Variants in ERC2 observed in about 807,000 individuals in gnomAD.
ERC2 encodes ELKS/RAB6-interacting/CAST family member 2, also known as ERC protein 2.
Under a neutral mutation model 114.8 loss-of-function variants are expected in ERC2, and 42 were observed. That is an observed-to-expected ratio of 0.37 (90% confidence interval 0.29 to 0.47). The LOEUF (loss-of-function observed/expected upper bound fraction) is 0.47, where lower values mean the gene tolerates loss of function less well. Among genes scored for constraint, ERC2 ranks in the 20% least tolerant of loss-of-function variants. The probability of loss-of-function intolerance (pLI) is 0.99; values close to 1 mark genes in which losing one functional copy is unlikely to be tolerated. For missense variants in ERC2, 939 were observed against 1,150.7 expected (o/e 0.82, Z 2.66); for synonymous variants, 454 against 425.5 (o/e 1.07, Z -0.82).
Position 55,532,919 on chromosome 3 carries a change from A to G in ERC2, c.*40-21643T>C, listed in dbSNP as rs558051012. Among the ~76,000 whole-genome samples, 38 of 152,356 alleles carry G rather than the reference A, an allele frequency of 2.5e-4. No individual in the cohort carries two copies. The South Asian group carries it at 7.5e-3, about 30-fold the overall frequency. Reference sequence around the variant, plus strand: ...GAGAAAGACAAGGTCCCTGGCTCTCACAGGGCTTTCAACGGAACAGGAAAA... The same window carrying G: ...GAGAAAGACAAGGTCCCTGGCTCTCGCAGGGCTTTCAACGGAACAGGAAAA... On this transcript the variant is annotated intron_variant, in intron 17 of 17. Transcript: ENST00000288221.
intron 13 of ERC2, among the ~76,000 whole-genome samples, chr3:55,907,592 G>A (rs2064535528): frequency 6.6e-6 from 1 of 152,156 alleles, no homozygotes; most frequent in Admixed American, 6.5e-5. Context: ...GGGCATTCCT[G>A]CCCACCCCAT....
At chr3:55,713,404 G>C (rs1489152488) in intron 15 of ERC2, among the ~76,000 whole-genome samples, 8 of 151,764 alleles carry the variant, frequency 5.3e-5, no homozygotes, top group Non-Finnish European at 1.2e-4. Context: ...AGAGATGGTG[G>C]GGGAGTTTCA....
At chr3:55,686,193 T>C (rs1279818869) in intron 16 of ERC2, among the ~76,000 whole-genome samples, 1 of 152,196 alleles carries the variant, frequency 6.6e-6, no homozygotes, top group East Asian at 1.9e-4. Context: ...AAAAACCAGA[T>C]GTTCAGATCG....
intron 13 of ERC2, among the ~76,000 whole-genome samples, chr3:55,924,151 G>C (rs1284819602): frequency 1.3e-5 from 2 of 152,090 alleles, no homozygotes; most frequent in African/African-American, 4.8e-5. Flanking sequence ...AAATCAGAGA[G>C]GTAGAGATTC....
chr3:56,386,928 G>A (rs1411625135), intron 2 of ERC2, among the ~76,000 whole-genome samples: 5 of 152,194 alleles, frequency 3.3e-5, no homozygotes, highest in African/African-American at 1.2e-4. Flanking sequence ...GGTTGCAACA[G>A]GGCCTGAAGC....
chr3:56,272,181 T>C (rs190526654), intron 3 of ERC2, among the ~76,000 whole-genome samples: 19 of 152,296 alleles, frequency 1.2e-4, no homozygotes, highest in African/African-American at 4.6e-4. Context: ...TAAAAATCCA[T>C]GTGAGACCCT....
intron 14 of ERC2, among the ~76,000 whole-genome samples, chr3:55,847,028 T>C (rs1030621038): frequency 7.2e-5 from 11 of 152,104 alleles, no homozygotes; most frequent in African/African-American, 2.7e-4. Context: ...TGGGAAAACA[T>C]AAATGTCAAA....
At chr3:55,822,421 T>G (rs934485613) in intron 14 of ERC2, among the ~76,000 whole-genome samples, 21 of 152,176 alleles carry the variant, frequency 1.4e-4, no homozygotes, top group Admixed American at 4.6e-4. Flanking sequence ...CTTAATTAAA[T>G]TATCTTGTTT....
At chr3:56,264,270 A>G (rs1485408904) in intron 3 of ERC2, among the ~76,000 whole-genome samples, 1 of 152,184 alleles carries the variant, frequency 6.6e-6, no homozygotes, top group African/African-American at 2.4e-5. Flanking sequence ...CTCTTGCCAC[A>G]TCTATCAACG....
At chr3:56,052,392 T>C (rs1361566928) in intron 7 of ERC2, among the ~76,000 whole-genome samples, 1 of 152,196 alleles carries the variant, frequency 6.6e-6, no homozygotes, top group African/African-American at 2.4e-5. Context: ...GTCAGCAAAC[T>C]CCCGCCCACA....
chr3:55,804,442 G>T lies in ERC2; in HGVS notation c.2565-69524C>A, dbSNP rs73831514. Among the ~76,000 whole-genome samples, 969 of 152,272 alleles carry T rather than the reference G, an allele frequency of 6.4e-3. 7 individuals are homozygous for T. The highest frequency in any genetic ancestry group is 0.022 in the African/African-American group (934 of 41,554). ...AGAAAGAACATTTTGGCCAATGAGT[G>T]TTAGCCTAACCCCAGAGACAGGATG... On this transcript the variant is annotated intron_variant, in intron 14 of 17. Transcript: ENST00000288221.
chr3:55,626,841 C>T (rs566290090), intron 17 of ERC2, among the ~76,000 whole-genome samples: 1 of 152,320 alleles, frequency 6.6e-6, no homozygotes, highest in East Asian at 1.9e-4. Flanking sequence ...AGCCAGGTGA[C>T]CCTGGACAAG....
intron 2 of ERC2, among the ~76,000 whole-genome samples, chr3:56,397,074 T>G (rs934005232): frequency 6.6e-6 from 1 of 152,228 alleles, no homozygotes; most frequent in African/African-American, 2.4e-5. Context: ...GGACAATGTC[T>G]GTACACAATG....
intron 4 of ERC2, among the ~76,000 whole-genome samples, chr3:56,153,793 T>G (rs2081554206): frequency 6.6e-6 from 1 of 152,192 alleles, no homozygotes; most frequent in South Asian, 2.1e-4. Context: ...TTGCTGAGTG[T>G]CACAATGTGC....
chr3:56,432,439 G>T (rs2061833524), intron 2 of ERC2, among the ~76,000 whole-genome samples: 1 of 152,152 alleles, frequency 6.6e-6, no homozygotes, highest in African/African-American at 2.4e-5. Flanking sequence ...GGTTCATAAA[G>T]ACTTCATGAA....
At chr3:56,063,473 A>G (rs1040599960) in intron 7 of ERC2, among the ~76,000 whole-genome samples, 1 of 152,228 alleles carries the variant, frequency 6.6e-6, no homozygotes, top group African/African-American at 2.4e-5. Context: ...GTATAAAATA[A>G]TAATTTATTG....
chr3:55,714,663 GTGTGTATATATA>G (rs1433539609), intron 15 of ERC2, among the ~76,000 whole-genome samples: 80 of 92,176 alleles, frequency 8.7e-4, no homozygotes, highest in East Asian at 4.1e-3. Flanking sequence ...GTGTGTGTGT[GTGTGTATATATA>G]TATATATATA....
At chr3:55,601,034 T>G (rs959331135) in intron 17 of ERC2, among the ~76,000 whole-genome samples, 91 of 152,150 alleles carry the variant, frequency 6.0e-4, no homozygotes, top group African/African-American at 2.2e-3. Flanking sequence ...TCGCACACCA[T>G]GCGGACGGGG....
chr3:55,682,568 G>T (rs1417429210), intron 17 of ERC2, among the ~76,000 whole-genome samples: 2 of 152,098 alleles, frequency 1.3e-5, no homozygotes, highest in East Asian at 3.9e-4. Flanking sequence ...TCACCCACAG[G>T]CCAAACGTAC....
Sources: gnomAD v4.1 joint callset for allele counts (sites outside exome capture counted in the v4.1 genomes callset) on GRCh38, gnomAD v4.1.1 for gene constraint, MANE v1.5 for transcripts, NCBI Gene and HGNC (gene_info 2026-07-23, HGNC 2026-07-21) for gene names.